Variants in VPS53 observed in about 807,000 individuals in gnomAD.
VPS53 encodes the protein VPS53 subunit of GARP complex.
In VPS53, 70 loss-of-function variants were observed where a neutral mutation model predicts 107.0. The observed-to-expected ratio is 0.65, with a 90% CI of 0.54 to 0.80. The LOEUF is 0.80. VPS53 is among the 30% of genes least tolerant of loss of function. VPS53 has a pLI of 0.00. For synonymous variants in VPS53, 409 were observed against 393.3 expected, an observed-to-expected ratio of 1.04 and a Z score of -0.47; for missense variants, 917 against 1,049.4, an observed-to-expected ratio of 0.87 and a Z score of 1.74.
intron 11 of VPS53, among the ~76,000 whole-genome samples, chr17:603,907 A>C (rs192145883): frequency 6.6e-6 from 1 of 152,360 alleles, no homozygotes; most frequent in Admixed American, 6.5e-5. Context: ...TAATAGCATT[A>C]GACTCCTGAT....
chr17:710,734 C>G, intron 1 of VPS53, 121 bp from the exon 2 acceptor site: 1 of 660,470 alleles, frequency 1.5e-6, no homozygotes, highest in South Asian at 2.1e-5. Flanking sequence ...AATCACAGCA[C>G]TTTGGGAGGC....
intron 8 of VPS53, 43 bp downstream of exon 8, chr17:631,507 G>A (rs1270179048): frequency 6.3e-7 from 1 of 1,591,438 alleles, no homozygotes; most frequent in Non-Finnish European, 8.6e-7. Flanking sequence ...GCTCGGCAAG[G>A]ATGGTGATCA....
At chr17:548,079 A>G (rs1380294804) in intron 17 of VPS53, among the ~76,000 whole-genome samples, 1 of 152,226 alleles carries the variant, frequency 6.6e-6, no homozygotes, top group African/African-American at 2.4e-5. Context: ...AAAGGCATGG[A>G]AGCCGCAAAA....
intron 2 of VPS53, among the ~76,000 whole-genome samples, chr17:707,287 C>A (rs1388068997): frequency 6.6e-6 from 1 of 151,908 alleles, no homozygotes; most frequent in Non-Finnish European, 1.5e-5. Flanking sequence ...TTTGGGAGGC[C>A]GAGGCGGGCG....
intron 12 of VPS53, among the ~76,000 whole-genome samples, chr17:589,332 A>C (rs1967509533): frequency 6.6e-6 from 1 of 152,042 alleles, no homozygotes; most frequent in African/African-American, 2.4e-5. Context: ...CATTATGAAA[A>C]TCTTTAAAAG....
At chr17:575,726 A>G (rs1914541895) in intron 13 of VPS53, among the ~76,000 whole-genome samples, 1 of 151,756 alleles carries the variant, frequency 6.6e-6, no homozygotes, top group Non-Finnish European at 1.5e-5. Context: ...CCCAGAATCT[A>G]ATGCTTTCCC....
intron 13 of VPS53, among the ~76,000 whole-genome samples, chr17:573,417 AC>A (rs1914341497): frequency 6.6e-6 from 1 of 152,144 alleles, no homozygotes; most frequent in African/African-American, 2.4e-5. Context: ...CAGTCCTCCT[AC>A]TGCTACTTGG....
At chr17:551,139 A>T (rs1911780760) in intron 17 of VPS53, among the ~76,000 whole-genome samples, 1 of 151,806 alleles carries the variant, frequency 6.6e-6, no homozygotes, top group Non-Finnish European at 1.5e-5. Context: ...ACTACATGAG[A>T]GATAAAAGAG....
At chr17:612,300 ACAG>A (rs368163271) in intron 11 of VPS53, among the ~76,000 whole-genome samples, 1 of 67,920 alleles carries the variant, frequency 1.5e-5, no homozygotes, top group Non-Finnish European at 2.9e-5. Context: ...ACAGATATTC[ACAG>A]CAGTATTCAA....
chr17:652,817 G>C (rs1971008650), intron 7 of VPS53, among the ~76,000 whole-genome samples: 1 of 152,222 alleles, frequency 6.6e-6, no homozygotes. Flanking sequence ...ACAACTGAGA[G>C]TTGTCCATAT....
At chr17:557,179 T>G (rs1320766646) in intron 15 of VPS53, among the ~76,000 whole-genome samples, 1 of 152,180 alleles carries the variant, frequency 6.6e-6, no homozygotes, top group Non-Finnish European at 1.5e-5. Flanking sequence ...AGGAAAAAAC[T>G]ATTTACACCT....
intron 7 of VPS53, among the ~76,000 whole-genome samples, chr17:643,535 ATACTTGGAAACCG>A: frequency 3.8e-5 from 2 of 53,070 alleles, no homozygotes; most frequent in African/African-American, 7.0e-5. Context: ...GACAACACTC[ATACTTGGAAACCG>A]AGGACAACAC....
chr17:577,185 T>A (rs1218556612), intron 13 of VPS53, among the ~76,000 whole-genome samples: 2 of 135,204 alleles, frequency 1.5e-5, no homozygotes, highest in Non-Finnish European at 3.2e-5. Flanking sequence ...TCCAGAGAAC[T>A]TCCCTCAGGA....
At chr17:640,153 T>C (rs1294470452) in intron 7 of VPS53, among the ~76,000 whole-genome samples, 1 of 152,122 alleles carries the variant, frequency 6.6e-6, no homozygotes, top group Non-Finnish European at 1.5e-5. Context: ...CTCAGACTGC[T>C]GTGCTAGCAA....
At chr17:673,043 T>C (rs1597470353) in intron 4 of VPS53, among the ~76,000 whole-genome samples, 1 of 144,644 alleles carries the variant, frequency 6.9e-6, no homozygotes, top group Non-Finnish European at 1.5e-5. Context: ...ACCCAGGAGG[T>C]GGAGCTTGCA....
chr17:595,713 G>T lies in VPS53; in HGVS notation c.1218+6082C>A, dbSNP rs1244154783. ...GGAGGAAGCTGGGAGATGGGAAGGGGTCTGGATCAATTTCCTGGTTTGATG... is the reference window on the plus strand; with the variant it reads ...GGAGGAAGCTGGGAGATGGGAAGGGTTCTGGATCAATTTCCTGGTTTGATG... On this transcript the variant is annotated intron_variant, in intron 12 of 21. Transcript: ENST00000437048. Among the ~76,000 whole-genome samples the T allele has an allele frequency of 2.9e-5, 4 of 135,902 alleles. No individual in the cohort carries two copies. In the East Asian group the frequency reaches 7.1e-4, roughly 24 times the overall value. The allele number at this position is 135,902 out of a possible 152,430, so 89.2% of individuals were successfully genotyped here.
Position 517,148 on chromosome 17 carries a change from T to C in VPS53, c.*1980A>G. 1 of 277,554 alleles carries C rather than the reference T, an allele frequency of 3.6e-6. No homozygotes were observed. The highest frequency in any genetic ancestry group is 5.9e-5 in the East Asian group (1 of 16,844). The allele number at this position is 277,554 out of a possible 1,614,324, so 17.2% of individuals were successfully genotyped here. ...GGGTGGGGGCATCTACAGGGCTTCC[T>C]GGGGGCTCTCCCGACTGCCGCCCCC... On this transcript the variant is annotated 3_prime_UTR_variant, in exon 22 of 22. Coordinates refer to ENST00000437048, the MANE Select transcript of VPS53 (RefSeq NM_001128159.3).
intron 4 of VPS53, chr17:674,152 G>A (rs754541155): frequency 1.3e-5 from 2 of 152,172 alleles, no homozygotes; most frequent in African/African-American, 2.4e-5. Context: ...AAACGTTTAA[G>A]CAAAAGTTTC....
intron 1 of VPS53, among the ~76,000 whole-genome samples, chr17:713,207 A>C (rs1343376046): frequency 1.3e-5 from 2 of 152,182 alleles, no homozygotes; most frequent in Non-Finnish European, 2.9e-5. Flanking sequence ...ATCTCAAAAA[A>C]AAAAAGTTTC....
Sources: gnomAD v4.1 joint callset for allele counts (sites outside exome capture counted in the v4.1 genomes callset) on GRCh38, gnomAD v4.1.1 for gene constraint, MANE v1.5 for transcripts, NCBI Gene and HGNC (gene_info 2026-07-23, HGNC 2026-07-21) for gene names.